The following CDH13 variants were observed in gnomAD, a reference collection of about 807,000 sequenced individuals.
CDH13 encodes cadherin-13.
In CDH13, 24 loss-of-function variants were observed where a neutral mutation model predicts 63.8. The observed-to-expected ratio is 0.38, with a 90% CI of 0.27 to 0.53. CDH13 has a LOEUF of 0.53. Among genes scored for constraint, CDH13 ranks in the 20% least tolerant of loss-of-function variants. The pLI, the probability that CDH13 is intolerant of heterozygous loss-of-function variation, is 0.85. For synonymous variants in CDH13, 503 were observed against 355.3 expected, an observed-to-expected ratio of 1.42 and a Z score of -4.67; for missense variants, 1,049 against 903.1, an observed-to-expected ratio of 1.16 and a Z score of -2.07.
chr16:83,193,665 C>G lies in CDH13; in HGVS notation c.484-23680C>G, dbSNP rs1440174870. Among the ~76,000 whole-genome samples, 4 of 152,338 alleles carry G rather than the reference C, an allele frequency of 2.6e-5. No homozygotes were observed. The East Asian group carries it at 7.7e-4, about 29-fold the overall frequency. On this transcript the variant is annotated intron_variant, in intron 4 of 13. Transcript: ENST00000567109. The stretch of plus-strand genomic sequence containing the variant: ...GCTCCTGTCTTCATCACATTGTTGA[C>G]TTATCGTTACATCTGCTCTTCTAAC...
intron 10 of CDH13, among the ~76,000 whole-genome samples, chr16:83,679,300 G>A (rs866870272): frequency 2.0e-5 from 3 of 152,276 alleles, no homozygotes; most frequent in East Asian, 3.9e-4. Context: ...CCAAATGCAC[G>A]CCTGTCTCTG....
At chr16:83,239,649 T>C (rs1364308) in intron 5 of CDH13, among the ~76,000 whole-genome samples, 150,731 of 152,292 alleles carry the variant, frequency 0.99, 74,617 homozygotes, top group Middle Eastern at 1. Context: ...TGGAGCTAAA[T>C]CTGTCTTTTC....
chr16:83,749,233 AGG>A (rs1912871783), intron 11 of CDH13, among the ~76,000 whole-genome samples: 1 of 152,170 alleles, frequency 6.6e-6, no homozygotes, highest in Non-Finnish European at 1.5e-5. Context: ...ATACTCAACA[AGG>A]GTGAACTAAG....
chr16:83,105,038 C>T (rs68049718), intron 3 of CDH13, among the ~76,000 whole-genome samples: 21,003 of 151,992 alleles, frequency 0.14, 1,570 homozygotes, highest in African/African-American at 0.2. Flanking sequence ...CCGGGGTACA[C>T]GCACAGGATG....
intron 7 of CDH13, among the ~76,000 whole-genome samples, chr16:83,488,664 A>G (rs6563914): frequency 0.5 from 75,673 of 151,462 alleles, 19,673 homozygotes; most frequent in East Asian, 0.83. Context: ...TTGCTCTGTC[A>G]CCCAGGTTGG....
chr16:83,087,471 C>A (rs530132825), intron 3 of CDH13, among the ~76,000 whole-genome samples: 2 of 152,038 alleles, frequency 1.3e-5, no homozygotes, highest in South Asian at 4.2e-4. Flanking sequence ...AGTTCGAGAC[C>A]AGCCTACCCA....
At chr16:83,132,451 C>CAAA (rs1208222729) in intron 4 of CDH13, among the ~76,000 whole-genome samples, 9 of 101,726 alleles carry the variant, frequency 8.8e-5, no homozygotes, top group African/African-American at 3.7e-4. Context: ...CAACACCCCC[C>CAAA]CCTTTTTTTT....
At chr16:83,449,790 C>T (rs759303715) in intron 6 of CDH13, among the ~76,000 whole-genome samples, 2 of 152,110 alleles carry the variant, frequency 1.3e-5, no homozygotes, top group Non-Finnish European at 1.5e-5. Context: ...TAAATAGGGA[C>T]GTTAACGCTG....
At chr16:83,311,578 A>G (rs1222569590) in intron 5 of CDH13, among the ~76,000 whole-genome samples, 1 of 152,186 alleles carries the variant, frequency 6.6e-6, no homozygotes, top group Non-Finnish European at 1.5e-5. Context: ...ACAGAGTTTA[A>G]AACTGAGTCT....
intron 5 of CDH13, among the ~76,000 whole-genome samples, chr16:83,261,480 G>A (rs571070808): frequency 1.3e-5 from 2 of 152,078 alleles, no homozygotes; most frequent in African/African-American, 4.8e-5. Context: ...CTGAAGTGGA[G>A]GGACAGGAAT....
intron 1 of CDH13, among the ~76,000 whole-genome samples, chr16:82,658,174 A>G (rs1911518833): frequency 6.6e-6 from 1 of 152,180 alleles, no homozygotes. Flanking sequence ...TGTGATATCT[A>G]TTGATATGTG....
In CDH13 at chr16:82,696,603, G is replaced by A. The variant is rs566376815; in HGVS notation, c.45+69466G>A. 1.1e-3 allele frequency among the ~76,000 whole-genome samples: 169 copies of A among 152,284 alleles called. 1 individual carries two copies. The highest frequency in any genetic ancestry group is 3.9e-3 in the African/African-American group (161 of 41,552). On this transcript the variant is annotated intron_variant, in intron 1 of 13. Transcript: ENST00000567109. ...GCCCATAGCTCATGTTGCAACGAAG[G>A]CTGTAACAGGAAAGCAGGCCCTACA...
chr16:83,430,665 G>A (rs1227931281), intron 6 of CDH13, among the ~76,000 whole-genome samples: 1 of 152,114 alleles, frequency 6.6e-6, no homozygotes, highest in Admixed American at 6.5e-5. Context: ...CTGTTGGTAG[G>A]TTGAAATTGT....
chr16:83,623,968 A>T (rs1237369411), intron 8 of CDH13, among the ~76,000 whole-genome samples: 2 of 152,216 alleles, frequency 1.3e-5, no homozygotes, highest in Non-Finnish European at 2.9e-5. Flanking sequence ...ACAGAAATCC[A>T]CTTTCAACCA....
chr16:82,990,182 C>G (rs767884796), intron 2 of CDH13: 2 of 152,142 alleles, frequency 1.3e-5, no homozygotes, highest in African/African-American at 2.4e-5. Flanking sequence ...AGCCAACTGC[C>G]AATCATTCTA....
At chr16:83,102,965 T>TTTTTTTTTTTTTTC (rs2034570357) in intron 3 of CDH13, among the ~76,000 whole-genome samples, 2 of 107,864 alleles carry the variant, frequency 1.9e-5, no homozygotes, top group East Asian at 2.8e-4. Flanking sequence ...TTTTTTTTTT[T>TTTTTTTTTTTTTTC]TTTTTGAGGT....
chr16:83,747,167 C>G (rs899031272), intron 10 of CDH13, among the ~76,000 whole-genome samples: 1 of 152,194 alleles, frequency 6.6e-6, no homozygotes, highest in African/African-American at 2.4e-5. Flanking sequence ...ATTTCTTGCC[C>G]TCGCGTAACC....
intron 3 of CDH13, among the ~76,000 whole-genome samples, chr16:83,125,089 A>C (rs927119931): frequency 1.2e-4 from 19 of 152,244 alleles, no homozygotes; most frequent in African/African-American, 4.1e-4. Flanking sequence ...AGCTTGGCAG[A>C]TTAAGAACAG....
chr16:83,619,094 CA>C (rs370596471), intron 8 of CDH13, among the ~76,000 whole-genome samples: 1 of 152,356 alleles, frequency 6.6e-6, no homozygotes, highest in Non-Finnish European at 1.5e-5. Context: ...TTGTGTATCA[CA>C]CGTGATAACG....
Sources: gnomAD v4.1 joint callset for allele counts (sites outside exome capture counted in the v4.1 genomes callset) on GRCh38, gnomAD v4.1.1 for gene constraint, MANE v1.5 for transcripts, NCBI Gene and HGNC (gene_info 2026-07-23, HGNC 2026-07-21) for gene names.